ZNF521: variants seen among roughly 807,000 people sequenced by gnomAD.
The protein encoded by ZNF521 is LYST-interacting protein 3.
Under a neutral mutation model 105.5 loss-of-function variants are expected in ZNF521, and 14 were observed. That is an observed-to-expected ratio of 0.13 (90% CI 0.09 to 0.21). The LOEUF (loss-of-function observed/expected upper bound fraction) is 0.21, where lower values mean the gene tolerates loss of function less well. Among genes scored for constraint, ZNF521 ranks in the 10% least tolerant of loss-of-function variants. The pLI is 1.00. For missense variants in ZNF521, 1,233 were observed against 1,629.7 expected (o/e 0.76, Z 4.19); for synonymous variants, 635 against 606.0 (o/e 1.05, Z -0.70).
chr18:25,259,840 C>T (rs936232858), intron 3 of ZNF521, among the ~76,000 whole-genome samples: 2 of 152,114 alleles, frequency 1.3e-5, no homozygotes, highest in African/African-American at 2.4e-5. Flanking sequence ...GAGGGAACAC[C>T]CCTTAAACTA....
chr18:25,256,013 T>C (rs1908470178), intron 3 of ZNF521, among the ~76,000 whole-genome samples: 1 of 147,908 alleles, frequency 6.8e-6, no homozygotes, highest in Admixed American at 6.8e-5. Flanking sequence ...ATATATGATA[T>C]ATATATGGTA....
intron 3 of ZNF521, among the ~76,000 whole-genome samples, chr18:25,245,736 G>T (rs144547680): frequency 2.1e-3 from 326 of 152,242 alleles, no homozygotes; most frequent in African/African-American, 7.5e-3. Context: ...TGCTCTGCTG[G>T]GCGTGGTGGC....
At chr18:25,258,364 G>C (rs192754513) in intron 3 of ZNF521, among the ~76,000 whole-genome samples, 51 of 152,234 alleles carry the variant, frequency 3.4e-4, no homozygotes, top group African/African-American at 1.2e-3. Context: ...GATAGGATTA[G>C]GCCCAAAGGG....
intron 5 of ZNF521, among the ~76,000 whole-genome samples, chr18:25,162,016 G>C (rs926985710): frequency 1.7e-4 from 26 of 152,232 alleles, no homozygotes; most frequent in Admixed American, 1.4e-3. Context: ...GTGGAGTACA[G>C]GACAGAAAAT....
intron 1 of ZNF521, 166 bp from the exon 2 acceptor site, chr18:25,351,113 C>A: frequency 4.3e-6 from 1 of 230,348 alleles, no homozygotes; most frequent in Non-Finnish European, 7.2e-6. Context: ...CGCGCTCGCG[C>A]GCGGGGCTCG....
chr18:25,310,681 TACTC>T (rs999344625), intron 3 of ZNF521, among the ~76,000 whole-genome samples: 17 of 152,150 alleles, frequency 1.1e-4, no homozygotes, highest in African/African-American at 4.1e-4. Context: ...ATTGGGTTCT[TACTC>T]ACCCTTCAGA....
chr18:25,241,327 G>A (rs1050961373), intron 3 of ZNF521, among the ~76,000 whole-genome samples: 14 of 152,058 alleles, frequency 9.2e-5, no homozygotes, highest in Admixed American at 7.2e-4. Context: ...TATTTGAATC[G>A]AACCACTGTC....
At chr18:25,235,111 G>A (rs992315385) in intron 3 of ZNF521, among the ~76,000 whole-genome samples, 7 of 152,160 alleles carry the variant, frequency 4.6e-5, no homozygotes, top group Admixed American at 6.5e-5. Context: ...TAATTCATGA[G>A]TGTTGTAAAG....
At chr18:25,305,939 G>T (rs1424358592) in intron 3 of ZNF521, among the ~76,000 whole-genome samples, 3 of 152,132 alleles carry the variant, frequency 2.0e-5, no homozygotes, top group African/African-American at 7.2e-5. Context: ...TCATTTAATT[G>T]CCACAACCAC....
intron 5 of ZNF521, among the ~76,000 whole-genome samples, chr18:25,192,959 T>A (rs1325423225): frequency 6.6e-6 from 1 of 152,094 alleles, no homozygotes; most frequent in East Asian, 1.9e-4. Flanking sequence ...AGGCCTCAAG[T>A]GCAAGAGAAT....
intron 3 of ZNF521, among the ~76,000 whole-genome samples, chr18:25,262,233 G>T (rs1465718360): frequency 6.6e-6 from 1 of 152,034 alleles, no homozygotes. Flanking sequence ...TAGAGAACTG[G>T]TGAGTTCAAA....
intron 3 of ZNF521, among the ~76,000 whole-genome samples, chr18:25,254,028 C>T (rs1412925081): frequency 4.6e-5 from 7 of 152,122 alleles, no homozygotes; most frequent in Non-Finnish European, 8.8e-5. Flanking sequence ...AATTTTACAG[C>T]GGGAAGCAGC....
chr18:25,338,259 T>TTG (rs34813730), intron 2 of ZNF521, among the ~76,000 whole-genome samples: 2,999 of 136,542 alleles, frequency 0.022, 52 homozygotes, highest in African/African-American at 0.042. Flanking sequence ...TCATAGACTT[T>TTG]TGTGTGTGTG....
Position 25,192,803 on chromosome 18 carries a change from T to C in ZNF521, c.3658+2357A>G, listed in dbSNP as rs545007626. On this transcript the variant is annotated intron_variant, in intron 5 of 7. Coordinates refer to ENST00000361524, the MANE Select transcript of ZNF521 (RefSeq NM_015461.3). ...ATCATTTGAAAGACTAAATAGCACATTGGAATTCTAAAAAGGGGTATCTTA... is the reference window on the plus strand; with the variant it reads ...ATCATTTGAAAGACTAAATAGCACACTGGAATTCTAAAAAGGGGTATCTTA... 2.6e-5 allele frequency among the ~76,000 whole-genome samples: 4 copies of C among 152,058 alleles called. No individual in the cohort carries two copies. In the South Asian group the frequency reaches 6.2e-4, roughly 24 times the overall value.
At chr18:25,133,348 AG>A (rs1374271672) in intron 5 of ZNF521, among the ~76,000 whole-genome samples, 1 of 152,188 alleles carries the variant, frequency 6.6e-6, no homozygotes, top group East Asian at 1.9e-4. Context: ...AGGAACTGGA[AG>A]TGGACAAATG....
chr18:25,136,287 T>G (rs1461113547), intron 5 of ZNF521, among the ~76,000 whole-genome samples: 1 of 152,194 alleles, frequency 6.6e-6, no homozygotes, highest in African/African-American at 2.4e-5. Context: ...TTTACATCAA[T>G]ATTTTAGTAA....
chr18:25,338,669 C>T (rs1399002094), intron 2 of ZNF521, among the ~76,000 whole-genome samples: 1 of 152,170 alleles, frequency 6.6e-6, no homozygotes, highest in Non-Finnish European at 1.5e-5. Context: ...GCCTCAGTCT[C>T]CCAAAATCCT....
intron 2 of ZNF521, among the ~76,000 whole-genome samples, chr18:25,323,468 C>T (rs544267264): frequency 6.6e-6 from 1 of 151,914 alleles, no homozygotes; most frequent in South Asian, 2.1e-4. Flanking sequence ...TCTTACTAGG[C>T]AGCCCAAGCA....
intron 3 of ZNF521, among the ~76,000 whole-genome samples, chr18:25,232,693 GT>G (rs1906614566): frequency 6.6e-6 from 1 of 152,164 alleles, no homozygotes; most frequent in African/African-American, 2.4e-5. Context: ...TGGCACAAGT[GT>G]TTTTCTATGG....
Sources: gnomAD v4.1 joint callset for allele counts (sites outside exome capture counted in the v4.1 genomes callset) on GRCh38, gnomAD v4.1.1 for gene constraint, MANE v1.5 for transcripts, NCBI Gene and HGNC (gene_info 2026-07-23, HGNC 2026-07-21) for gene names.